TMEM204: variants seen among roughly 807,000 people sequenced by gnomAD.
TMEM204 encodes claudin-like protein 24.
In TMEM204, 15 loss-of-function variants were observed where a neutral mutation model predicts 19.4. That is an observed-to-expected ratio of 0.77 (90% CI 0.52 to 1.19). The LOEUF (loss-of-function observed/expected upper bound fraction) is 1.19, where lower values mean the gene tolerates loss of function less well. TMEM204 is among the 50% of genes most tolerant of loss of function. TMEM204 has a pLI of 0.00. For missense variants in TMEM204, 287 were observed against 321.2 expected, an observed-to-expected ratio of 0.89 and a Z score of 0.81; for synonymous variants, 161 against 146.0, an observed-to-expected ratio of 1.10 and a Z score of -0.74.
intron 2 of TMEM204, chr16:1,554,009 A>T: frequency 7.8e-7 from 1 of 1,287,232 alleles, no homozygotes; most frequent in South Asian, 1.2e-5. Context: ...AGGGTTGCTC[A>T]CGGCCCACCT....
rs558545546 is a variant in TMEM204, at chr16:1,540,667, G to A, written c.281-1254G>A. On this transcript the variant is annotated intron_variant, in intron 1 of 2. Transcript: ENST00000566264. Reference sequence around the variant, plus strand: ...GGATTCTGGTGTCTGTGATGGATGCGGGCGCGGGGACCCGCTCCTGAGTGG... The same window carrying A: ...GGATTCTGGTGTCTGTGATGGATGCAGGCGCGGGGACCCGCTCCTGAGTGG... 1.7e-4 allele frequency: 34 copies of A among 196,318 alleles called. 1 individual carries two copies. In the South Asian group the frequency reaches 5.2e-3, roughly 30 times the overall value. 12.2% of individuals were successfully genotyped at this position (196,318 alleles called of 1,614,324 possible). A position where few individuals can be genotyped will look rare whatever the true frequency, so the allele number is the denominator to read the frequency against.
rs1002157287 is a variant in TMEM204, at chr16:1,551,801, C to A, written c.437-2981C>A. On this transcript the variant is annotated intron_variant, in intron 2 of 2. Transcript: ENST00000566264. This position sits in a 1 kb window ranked among gnomAD's most constrained non-coding sequence, Gnocchi z 4.0. ...GGCAGATCCGGCAAGATCAACTCTG[C>A]GGGACCTCCCACCCGGGCTGGTTGC... Among the ~76,000 whole-genome samples, 2 of 152,190 alleles carry A rather than the reference C, an allele frequency of 1.3e-5. No homozygotes were observed. The highest frequency in any genetic ancestry group is 3.9e-4 in the East Asian group (2 of 5,192).
chr16:1,539,912 C>T (rs1165357087), intron 1 of TMEM204, among the ~76,000 whole-genome samples: 2 of 152,200 alleles, frequency 1.3e-5, no homozygotes. Context: ...GCACTGCCCT[C>T]ACACCCTGGA....
chr16:1,544,787 T>C (rs1204055782), intron 2 of TMEM204, among the ~76,000 whole-genome samples: 2 of 151,770 alleles, frequency 1.3e-5, no homozygotes, highest in Non-Finnish European at 2.9e-5. Flanking sequence ...TAGCTGGGAC[T>C]ACAGGCACCC....
At chr16:1,536,027 C>T (rs1213238813) in intron 1 of TMEM204, among the ~76,000 whole-genome samples, 1 of 152,246 alleles carries the variant, frequency 6.6e-6, no homozygotes, top group East Asian at 1.9e-4. Context: ...GGCTTTAGGC[C>T]CCTGGAGGTG....
At chr16:1,545,422 A>G (rs1369487692) in intron 2 of TMEM204, among the ~76,000 whole-genome samples, 1 of 152,196 alleles carries the variant, frequency 6.6e-6, no homozygotes, top group Non-Finnish European at 1.5e-5. Context: ...AAGGAAATGC[A>G]TTTTGGCCCT....
chr16:1,547,296 A>G (rs1293213197), intron 2 of TMEM204, among the ~76,000 whole-genome samples: 1 of 152,180 alleles, frequency 6.6e-6, no homozygotes, highest in East Asian at 1.9e-4. Context: ...TGACACACTG[A>G]GAAGCTGACT....
At chr16:1,539,803 T>C (rs561288249) in intron 1 of TMEM204, among the ~76,000 whole-genome samples, 2 of 152,306 alleles carry the variant, frequency 1.3e-5, no homozygotes, top group East Asian at 3.9e-4. Context: ...CTCTCCCCCT[T>C]GCCAGCGGAA....
At chr16:1,545,568 C>T (rs1430326993) in intron 2 of TMEM204, among the ~76,000 whole-genome samples, 1 of 152,154 alleles carries the variant, frequency 6.6e-6, no homozygotes, top group African/African-American at 2.4e-5. Flanking sequence ...GACTGAAGGG[C>T]GCCAGGATGT....
At position 1,542,000 on chromosome 16, in the gene TMEM204, G is replaced by A; in HGVS notation, c.360G>A (p.Gly120=). Residue 120 remains glycine, a synonymous_variant, in exon 2 of 3, where the codon GGG becomes GGA. Transcript: ENST00000566264. ...LTAGQLTFLL[G]LVGLPLLSPD... is the part of the protein sequence containing the mutation. ...CAGGCCAGCTCACCTTCCTCCTGGG[G>A]CTGGTGGGCCTGCCCCTGCTGTCAC... is the stretch of plus-strand genomic sequence containing the variant. 2 of 1,611,412 alleles carry A rather than the reference G, an allele frequency of 1.2e-6. No individual in the cohort carries two copies. Among genetic ancestry groups the A allele is most frequent in the Non-Finnish European group, 1.7e-6 (2 of 1,179,676 alleles).
chr16:1,540,409 G>A (rs914933940), intron 1 of TMEM204, among the ~76,000 whole-genome samples: 5 of 152,224 alleles, frequency 3.3e-5, no homozygotes, highest in Non-Finnish European at 4.4e-5. Context: ...TGATGCCAGC[G>A]TGCCTGCCCC....
chr16:1,537,539 G>C (rs1315178674), intron 1 of TMEM204, among the ~76,000 whole-genome samples: 1 of 152,222 alleles, frequency 6.6e-6, no homozygotes, highest in East Asian at 1.9e-4. Context: ...CCCTGCCAGG[G>C]GTGTCCTGTG....
chr16:1,548,637 A>G (rs1223619711), intron 2 of TMEM204, among the ~76,000 whole-genome samples: 1 of 152,178 alleles, frequency 6.6e-6, no homozygotes, highest in African/African-American at 2.4e-5. Context: ...GAATCTTAAT[A>G]TAAAGATGGT....
At chr16:1,546,572 G>A (rs1050213192) in intron 2 of TMEM204, among the ~76,000 whole-genome samples, 17 of 152,356 alleles carry the variant, frequency 1.1e-4, no homozygotes, top group African/African-American at 4.1e-4. Flanking sequence ...ATGCTGAGAA[G>A]CTTCAGGCCC....
intron 1 of TMEM204, among the ~76,000 whole-genome samples, chr16:1,539,219 G>A (rs936697885): frequency 6.1e-5 from 9 of 147,098 alleles, no homozygotes; most frequent in Admixed American, 1.3e-4. Flanking sequence ...TGCCAACGCC[G>A]ACCCAAGCCT....
Position 1,545,026 on chromosome 16 carries a change from G to A in TMEM204, c.436+2950G>A, listed in dbSNP as rs192795471. 2.6e-4 allele frequency among the ~76,000 whole-genome samples: 39 copies of A among 152,322 alleles called. No individual in the cohort carries two copies. In the East Asian group the frequency reaches 6.7e-3, roughly 26 times the overall value. On this transcript the variant is annotated intron_variant, in intron 2 of 2. Coordinates refer to ENST00000566264, the MANE Select transcript of TMEM204 (RefSeq NM_024600.6). ...AGGACTACTGTGGATTTGGCATGTC[G>A]AAAATGACAGCTTACTTCCTGCAAA...
At chr16:1,544,687 G>C (rs187549062) in intron 2 of TMEM204, among the ~76,000 whole-genome samples, 2,602 of 150,848 alleles carry the variant, frequency 0.017, 26 homozygotes, top group Non-Finnish European at 0.026. Flanking sequence ...CTCGCCCTGT[G>C]GCCCAGGCTG....
chr16:1,547,715 T>C (rs1159236186), intron 2 of TMEM204, among the ~76,000 whole-genome samples: 2 of 152,180 alleles, frequency 1.3e-5, no homozygotes, highest in Non-Finnish European at 2.9e-5. Flanking sequence ...TTTGTATTTT[T>C]GGTAGAGATG....
chr16:1,545,143 T>C (rs2032058615), intron 2 of TMEM204, among the ~76,000 whole-genome samples: 1 of 152,224 alleles, frequency 6.6e-6, no homozygotes, highest in South Asian at 2.1e-4. Context: ...CGAGCTGTCT[T>C]ACAGCATTCC....
Sources: gnomAD v4.1 joint callset for allele counts (sites outside exome capture counted in the v4.1 genomes callset) on GRCh38, gnomAD v4.1.1 for gene constraint, Gnocchi (gnomAD v3.1) non-coding constraint, MANE v1.5 for transcripts, NCBI Gene and HGNC (gene_info 2026-07-23, HGNC 2026-07-21) for gene names.